Variants in KDSR observed in about 807,000 individuals in gnomAD.
The protein encoded by KDSR is 3-ketodihydrosphingosine reductase.
A neutral mutation model predicts 41.3 loss-of-function variants in KDSR; 23 were observed. That is an observed-to-expected ratio of 0.56 (90% CI 0.40 to 0.79). The LOEUF (loss-of-function observed/expected upper bound fraction) is 0.79, where lower values mean the gene tolerates loss of function less well. Among genes scored for constraint, KDSR ranks in the 30% least tolerant of loss-of-function variants. The pLI is 0.00. For missense variants in KDSR, 351 were observed against 416.8 expected (o/e 0.84, Z 1.37); for synonymous variants, 138 against 151.7 (o/e 0.91, Z 0.66).
At chr18:63,361,000 A>ATATATATAT (rs1440602336) in intron 2 of KDSR, among the ~76,000 whole-genome samples, 2 of 22,030 alleles carry the variant, frequency 9.1e-5, no homozygotes, top group African/African-American at 4.7e-4. Context: ...ACTAAAAAAA[A>ATATATATAT]AATATATATA....
chr18:63,364,588 C>T (rs564411309), intron 1 of KDSR, among the ~76,000 whole-genome samples: 4 of 152,138 alleles, frequency 2.6e-5, no homozygotes, highest in African/African-American at 9.6e-5. Flanking sequence ...GGATTACAGG[C>T]GTGCGCCAGC....
rs184732550 is a variant in KDSR at position 63,343,457 on chromosome 18, T to C, written c.693+953A>G. Among the ~76,000 whole-genome samples, 311 of 151,886 alleles carry C rather than the reference T, an allele frequency of 2.0e-3. 1 individual carries two copies. Among genetic ancestry groups the C allele is most frequent in the African/African-American group, 7.1e-3 (296 of 41,442 alleles). On this transcript the variant is annotated intron_variant, in intron 7 of 9. Coordinates refer to ENST00000645214, the MANE Select transcript of KDSR (RefSeq NM_002035.4). ...AGGTCGAAATGCAGTACTACAATCA[T>C]GGCTCACTGCAGCCTCAACCTCCCT...
Position 63,330,828 on chromosome 18 carries a change from A to C in KDSR, c.*954T>G. ...TTTTTCCTTTTTTTTTTTTTTTACAAAAATATTACAGCAGTATAAGCAAAA... is the reference window on the plus strand; with the variant it reads ...TTTTTCCTTTTTTTTTTTTTTTACACAAATATTACAGCAGTATAAGCAAAA... On this transcript the variant is annotated 3_prime_UTR_variant, in exon 10 of 10. Transcript: ENST00000645214. 4.4e-6 allele frequency: 1 copy of C among 227,376 alleles called. No homozygotes were observed. The allele number at this position is 227,376 out of a possible 1,614,324, so 14.1% of individuals were successfully genotyped here.
At chr18:63,358,236 TAAAG>T (rs1392614222) in intron 3 of KDSR, among the ~76,000 whole-genome samples, 1 of 151,876 alleles carries the variant, frequency 6.6e-6, no homozygotes, top group Non-Finnish European at 1.5e-5. Flanking sequence ...ATAAGAAGCA[TAAAG>T]AAGGAAGTTA....
rs367923270 is a variant in KDSR at position 63,331,290 on chromosome 18, GAGAC to G, written c.*488_*491del. The G allele has an allele frequency of 0.3, 60,126 of 199,906 alleles. 7,735 individuals carry two copies. Among genetic ancestry groups the G allele is most frequent in the Admixed American group, 0.39 (5,717 of 14,526 alleles). The allele number at this position is 199,906 out of a possible 1,614,324, so 12.4% of individuals were successfully genotyped here. A position where few individuals can be genotyped will look rare whatever the true frequency, so the allele number is the denominator to read the frequency against. ...AAAGAGAGAGAGAGAGAGAGACAGA[GAGAC>G]AGAGAGACAGAGAGACAGAGAGACA... On this transcript the variant is annotated 3_prime_UTR_variant, in exon 10 of 10. Transcript: ENST00000645214.
At chr18:63,347,439 T>C (rs1294830589) in intron 6 of KDSR, among the ~76,000 whole-genome samples, 1 of 127,724 alleles carries the variant, frequency 7.8e-6, no homozygotes. Flanking sequence ...GAGGTTTCAG[T>C]GAACCGAGAT....
At chr18:63,350,248 C>T (rs773366792) in intron 6 of KDSR, among the ~76,000 whole-genome samples, 1 of 152,224 alleles carries the variant, frequency 6.6e-6, no homozygotes, top group South Asian at 2.1e-4. Context: ...TAAAGTTGCA[C>T]TCATCATGAC....
intron 5 of KDSR, among the ~76,000 whole-genome samples, chr18:63,353,787 T>C (rs1397774892): frequency 4.0e-5 from 6 of 151,726 alleles, no homozygotes; most frequent in Admixed American, 3.9e-4. Context: ...AGAATACAGA[T>C]TGGTGGTTGT....
At chr18:63,359,367 T>C (rs1292343370) in intron 3 of KDSR, among the ~76,000 whole-genome samples, 2 of 152,080 alleles carry the variant, frequency 1.3e-5, no homozygotes, top group Non-Finnish European at 2.9e-5. Flanking sequence ...ATTAATTTGC[T>C]ATTATGTTTT....
Position 63,367,111 on chromosome 18 carries a change from A to C in KDSR, c.8T>G (p.Leu3Arg), listed in dbSNP as rs768465380. ML[L>R]LAAAFLVAFV... ...GGCCACGAGGAAGGCGGCAGCCAGC[A>C]GCAGCATCGCTCCGCGGGGCCAGGG... Residue 3 changes from leucine to arginine, a missense_variant, in exon 1 of 10, where the codon CTG (leucine) becomes CGG (arginine). Physicochemically the swap from Leu to Arg is moderately radical, Grantham distance 102. Coordinates refer to ENST00000645214, the MANE Select transcript of KDSR (RefSeq NM_002035.4). 27 of 1,329,288 alleles carry C rather than the reference A, an allele frequency of 2.0e-5. No individual in the cohort carries two copies. Among genetic ancestry groups the C allele is most frequent in the African/African-American group, 4.5e-5 (3 of 66,482 alleles). The allele number at this position is 1,329,288 out of a possible 1,614,324, so 82.3% of individuals were successfully genotyped here. A position where few individuals can be genotyped will look rare whatever the true frequency, so the allele number is the denominator to read the frequency against.
In KDSR at chr18:63,350,948, G is replaced by A; in HGVS notation, c.549C>T (p.Phe183=). 6.2e-7 allele frequency: 1 copy of A among 1,614,172 alleles called. No homozygotes were observed. The highest frequency in any genetic ancestry group is 8.5e-7 in the Non-Finnish European group (1 of 1,180,010). ...SQAGQLGLFG[F]TAYSASKFAI... is the part of the protein sequence containing the mutation. ...CAAACTTGGATGCAGAGTAGGCTGT[G>A]AAACCGAATAATCCCAACTGTCCTG... The change falls in exon 6 of 10, where the codon TTC becomes TTT. Residue 183 remains phenylalanine (F), a synonymous_variant. Transcript: ENST00000645214.
chr18:63,338,277 T>A (rs1184792667), intron 8 of KDSR, among the ~76,000 whole-genome samples: 1 of 152,230 alleles, frequency 6.6e-6, no homozygotes, highest in Non-Finnish European at 1.5e-5. Flanking sequence ...AGAAATGTTG[T>A]CAAAAAGCAT....
chr18:63,352,743 A>T (rs1002352388), intron 5 of KDSR, among the ~76,000 whole-genome samples: 4 of 152,248 alleles, frequency 2.6e-5, no homozygotes, highest in Admixed American at 2.6e-4. Flanking sequence ...TCAAAGGTTA[A>T]GTAAAAGTAC....
At chr18:63,355,661 G>T (rs529108027) in intron 3 of KDSR, 98 bp from the exon 4 acceptor site, 1 of 1,398,436 alleles carries the variant, frequency 7.2e-7, no homozygotes, top group African/African-American at 1.5e-5. Context: ...AATACAGAAG[G>T]AAGCCAATAT....
At chr18:63,342,086 T>C (rs1037173833) in intron 7 of KDSR, among the ~76,000 whole-genome samples, 5 of 150,582 alleles carry the variant, frequency 3.3e-5, no homozygotes, top group Non-Finnish European at 7.4e-5. Context: ...CGAGAATCTC[T>C]TGAACCCAGG....
intron 8 of KDSR, among the ~76,000 whole-genome samples, chr18:63,337,103 TATATATGTGA>T (rs1208171516): frequency 0.013 from 520 of 40,068 alleles, 28 homozygotes; most frequent in Admixed American, 0.034. Flanking sequence ...TTTATATATA[TATATATGTGA>T]ATATATATAT....
chr18:63,346,981 G>A (rs1435881911), intron 6 of KDSR, among the ~76,000 whole-genome samples: 2 of 152,060 alleles, frequency 1.3e-5, no homozygotes, highest in African/African-American at 4.8e-5. Flanking sequence ...GGCTTTACTT[G>A]TTCTTATGAG....
chr18:63,339,842 C>T (rs995801995), intron 7 of KDSR, among the ~76,000 whole-genome samples: 1 of 152,196 alleles, frequency 6.6e-6, no homozygotes, highest in African/African-American at 2.4e-5. Context: ...CAAACAAAAG[C>T]CTTAAACTGC....
chr18:63,366,813 C>T (rs942979794), intron 1 of KDSR, 198 bp downstream of exon 1: 3 of 388,656 alleles, frequency 7.7e-6, no homozygotes, highest in Non-Finnish European at 1.4e-5. Flanking sequence ...CCCGAGGCTG[C>T]GGAGGGCGGG....
Sources: gnomAD v4.1 joint callset for allele counts (sites outside exome capture counted in the v4.1 genomes callset) on GRCh38, gnomAD v4.1.1 for gene constraint, MANE v1.5 for transcripts, NCBI Gene and HGNC (gene_info 2026-07-23, HGNC 2026-07-21) for gene names.